Variants in ADAMTSL1 observed in about 807,000 individuals in gnomAD.
ADAMTSL1 encodes ADAMTS like 1.
Under a neutral mutation model 201.8 loss-of-function variants are expected in ADAMTSL1, and 126 were observed. That is an observed-to-expected ratio of 0.62 (90% CI 0.54 to 0.72). The LOEUF (loss-of-function observed/expected upper bound fraction) is 0.72. Ranked by LOEUF, ADAMTSL1 falls within the 30% of genes least tolerant of loss-of-function variation. ADAMTSL1 has a pLI of 0.00. For synonymous variants in ADAMTSL1, 1,121 were observed against 903.4 expected (o/e 1.24, Z -4.32); for missense variants, 2,679 against 2,277.8 (o/e 1.18, Z -3.59).
At position 18,366,627 on chromosome 9, in the gene ADAMTSL1, A is replaced by ATTTTTTTTTTTTTTTTTTTTTTT. The variant is rs772034324; in HGVS notation, c.208-138184_208-138162dup. 5.3e-5 allele frequency among the ~76,000 whole-genome samples: 6 copies of ATTTTTTTTTTTTTTTTTTTTTTT among 112,800 alleles called. 2 individuals carry two copies. The highest frequency in any genetic ancestry group is 1.7e-4 in the African/African-American group (5 of 29,026). The allele number at this position is 112,800 out of a possible 152,430, so 74.0% of individuals were successfully genotyped here. A position where few individuals can be genotyped will look rare whatever the true frequency, so the allele number is the denominator to read the frequency against. On this transcript the variant is annotated intron_variant, in intron 2 of 29. Coordinates refer to the ADAMTSL1 transcript ENST00000680146. ...ATGGATAGTGCCTCTGAAATCACTA[A>ATTTTTTTTTTTTTTTTTTTTTTT]TTTTTTTTTTTTTTTTTTTTTTTTT...
At chr9:17,988,105 T>G (rs555242046) in intron 1 of ADAMTSL1, among the ~76,000 whole-genome samples, 2 of 152,204 alleles carry the variant, frequency 1.3e-5, no homozygotes, top group Admixed American at 6.5e-5. Flanking sequence ...TATGGCTGTG[T>G]TTCATCTTGG....
intron 1 of ADAMTSL1, among the ~76,000 whole-genome samples, chr9:18,023,950 A>G (rs10810887): frequency 0.54 from 81,344 of 151,970 alleles, 21,864 homozygotes; most frequent in South Asian, 0.62. Flanking sequence ...TTTAAATACC[A>G]AGATATTCAA....
intron 3 of ADAMTSL1, among the ~76,000 whole-genome samples, chr9:18,537,790 C>T (rs1309725163): frequency 2.7e-5 from 4 of 150,934 alleles, no homozygotes; most frequent in Non-Finnish European, 5.9e-5. Context: ...GGGAGGATTG[C>T]TTGAGCCCAG....
At chr9:18,436,617 C>T (rs1425325361) in intron 2 of ADAMTSL1, among the ~76,000 whole-genome samples, 1 of 152,082 alleles carries the variant, frequency 6.6e-6, no homozygotes, top group East Asian at 1.9e-4. Flanking sequence ...CTGCCCTTGC[C>T]CAGGTCACCC....
intron 2 of ADAMTSL1, among the ~76,000 whole-genome samples, chr9:18,446,708 C>T (rs1310841436): frequency 1.3e-5 from 2 of 152,208 alleles, no homozygotes; most frequent in Admixed American, 6.5e-5. Context: ...AGATAAAATG[C>T]ATCTGGGTGC....
chr9:18,193,095 G>A (rs926124367), intron 2 of ADAMTSL1, among the ~76,000 whole-genome samples: 3 of 151,954 alleles, frequency 2.0e-5, no homozygotes, highest in African/African-American at 7.2e-5. Context: ...AGGTTTTTTT[G>A]GTTGGGCTAA....
At chr9:18,278,765 C>G (rs1832680224) in intron 2 of ADAMTSL1, among the ~76,000 whole-genome samples, 1 of 152,102 alleles carries the variant, frequency 6.6e-6, no homozygotes, top group African/African-American at 2.4e-5. Flanking sequence ...TCCTTTTTTG[C>G]TGATTCTCCT....
chr9:18,317,019 A>G (rs116381629), intron 2 of ADAMTSL1, among the ~76,000 whole-genome samples: 1 of 152,344 alleles, frequency 6.6e-6, no homozygotes, highest in African/African-American at 2.4e-5. Context: ...ATTGTGGAAT[A>G]TATTTACAAA....
intron 1 of ADAMTSL1, among the ~76,000 whole-genome samples, chr9:17,990,079 T>C (rs1332476832): frequency 6.6e-6 from 1 of 151,954 alleles, no homozygotes; most frequent in Admixed American, 6.6e-5. Context: ...AAAACCTTTG[T>C]GGTAGGAGAA....
At chr9:18,519,880 A>C (rs948749204) in intron 2 of ADAMTSL1, among the ~76,000 whole-genome samples, 4 of 152,182 alleles carry the variant, frequency 2.6e-5, no homozygotes, top group African/African-American at 9.7e-5. Context: ...CTACAGTGTC[A>C]TCATTCTCAC....
intron 2 of ADAMTSL1, among the ~76,000 whole-genome samples, chr9:18,433,173 A>G (rs141285219): frequency 0.018 from 2,688 of 152,222 alleles, 71 homozygotes; most frequent in African/African-American, 0.054. Flanking sequence ...GCTGACTACA[A>G]CTAAAAACAA....
chr9:18,634,950 A>G (rs1469984510), intron 5 of ADAMTSL1, among the ~76,000 whole-genome samples: 2 of 147,176 alleles, frequency 1.4e-5, no homozygotes, highest in Non-Finnish European at 3.0e-5. Context: ...ATGAACAAAG[A>G]ATCACACAGG....
Position 18,908,835 on chromosome 9 carries a change from C to A in ADAMTSL1, c.*287C>A. Reference sequence around the variant, plus strand: ...GGGGCTCCCTTGAAGAGCTTCCTCCCTCCCAAACCTGGGTCTCAAAGACCT... The same window carrying A: ...GGGGCTCCCTTGAAGAGCTTCCTCCATCCCAAACCTGGGTCTCAAAGACCT... On this transcript the variant is annotated 3_prime_UTR_variant, in exon 29 of 29. Coordinates refer to ENST00000380548, the MANE Select transcript of ADAMTSL1 (RefSeq NM_001040272.6). 3.4e-6 allele frequency: 1 copy of A among 298,056 alleles called. No individual in the cohort carries two copies. Among genetic ancestry groups the A allele is most frequent in the Non-Finnish European group, 6.2e-6 (1 of 160,670 alleles). 18.5% of individuals were successfully genotyped at this position (298,056 alleles called of 1,614,324 possible). A position where few individuals can be genotyped will look rare whatever the true frequency, so the allele number is the denominator to read the frequency against.
chr9:18,368,947 C>T (rs1194344579), intron 2 of ADAMTSL1, among the ~76,000 whole-genome samples: 1 of 152,154 alleles, frequency 6.6e-6, no homozygotes, highest in Non-Finnish European at 1.5e-5. Context: ...GTTCTTTATA[C>T]TTTGCCTCCT....
chr9:17,972,148 T>TCC (rs1429213215), intron 1 of ADAMTSL1, among the ~76,000 whole-genome samples: 80 of 140,870 alleles, frequency 5.7e-4, no homozygotes, highest in African/African-American at 2.0e-3. Context: ...TTCTTTTTCT[T>TCC]TTTTTTAAAT....
intron 1 of ADAMTSL1, among the ~76,000 whole-genome samples, chr9:18,052,084 T>G (rs892044622): frequency 6.6e-6 from 1 of 152,126 alleles, no homozygotes; most frequent in Non-Finnish European, 1.5e-5. Context: ...ACAGGCAGAG[T>G]GCAAGTGCAG....
At chr9:18,013,431 G>A (rs781004149) in intron 1 of ADAMTSL1, among the ~76,000 whole-genome samples, 7 of 151,984 alleles carry the variant, frequency 4.6e-5, no homozygotes, top group Non-Finnish European at 8.8e-5. Flanking sequence ...AGAGATGGAG[G>A]TCTGTACAGT....
rs140370735 is a variant in ADAMTSL1, at chr9:18,067,317, G to C, written c.88-96545G>C. Among the ~76,000 whole-genome samples the C allele has an allele frequency of 3.8e-4, 58 of 152,262 alleles. No homozygotes were observed. In the East Asian group the frequency reaches 0.011, roughly 29 times the overall value. On this transcript the variant is annotated intron_variant, in intron 1 of 29. Transcript: ENST00000680146. The stretch of plus-strand genomic sequence containing the variant: ...TTTATTTGTTTTACTTACTTAAAGA[G>C]TTAATATGTATAATGCATGGAACAA...
At chr9:18,338,831 T>C (rs983281849) in intron 2 of ADAMTSL1, among the ~76,000 whole-genome samples, 2 of 152,138 alleles carry the variant, frequency 1.3e-5, no homozygotes, top group Non-Finnish European at 2.9e-5. Flanking sequence ...TGTGTCCATA[T>C]GTACTCAAAG....
Sources: gnomAD v4.1 joint callset for allele counts (sites outside exome capture counted in the v4.1 genomes callset) on GRCh38, gnomAD v4.1.1 for gene constraint, MANE v1.5 for transcripts, NCBI Gene and HGNC (gene_info 2026-07-23, HGNC 2026-07-21) for gene names.